Variants in CFAP46 observed in about 807,000 individuals in gnomAD.
The protein encoded by CFAP46 is cilia and flagella associated protein 46.
In CFAP46, 245 loss-of-function variants were observed where a neutral mutation model predicts 325.7. The ratio of observed to expected loss-of-function variants is 0.75; its 90% CI spans 0.68 to 0.84. CFAP46 has a LOEUF of 0.84. CFAP46 is among the 40% of genes least tolerant of loss of function. CFAP46 has a pLI of 0.00. For missense variants in CFAP46, 3,346 were observed against 3,543.0 expected, an observed-to-expected ratio of 0.94 and a Z score of 1.41; for synonymous variants, 1,523 against 1,495.9, an observed-to-expected ratio of 1.02 and a Z score of -0.42.
chr10:132,887,421 C>T (rs1215348398), intron 25 of CFAP46, among the ~76,000 whole-genome samples: 1 of 108,406 alleles, frequency 9.2e-6, no homozygotes, highest in Non-Finnish European at 1.9e-5. Context: ...CTCCTCTCTC[C>T]TCCCCTCTTC....
At chr10:132,842,165 T>A (rs1437996432) in intron 44 of CFAP46, among the ~76,000 whole-genome samples, 1 of 152,238 alleles carries the variant, frequency 6.6e-6, no homozygotes, top group Non-Finnish European at 1.5e-5. Context: ...TGGTTAGAAG[T>A]AGCCACGCAG....
intron 32 of CFAP46, among the ~76,000 whole-genome samples, chr10:132,872,227 G>A (rs907330178): frequency 6.6e-6 from 1 of 152,158 alleles, no homozygotes; most frequent in African/African-American, 2.4e-5. Flanking sequence ...GGATCAGGTA[G>A]AAATTTTAAA....
At chr10:132,913,315 C>A in intron 17 of CFAP46, 57 bp from the exon 18 acceptor site, 1 of 1,449,660 alleles carries the variant, frequency 6.9e-7, no homozygotes, top group Non-Finnish European at 9.4e-7. Flanking sequence ...CGGGGCCAGG[C>A]ACCAGGAAGG....
At chr10:132,904,582 T>C (rs1302316153) in intron 22 of CFAP46, among the ~76,000 whole-genome samples, 1 of 152,238 alleles carries the variant, frequency 6.6e-6, no homozygotes, top group East Asian at 1.9e-4. Context: ...TTAAGTCAAT[T>C]TACACAGCAG....
chr10:132,811,540 C>T (rs1375578566), intron 55 of CFAP46, among the ~76,000 whole-genome samples: 1 of 152,184 alleles, frequency 6.6e-6, no homozygotes, highest in African/African-American at 2.4e-5. Context: ...ATGAGCTGGT[C>T]ACCCTGGCCT....
chr10:132,897,085 C>T (rs1849329864), intron 24 of CFAP46, among the ~76,000 whole-genome samples: 1 of 152,178 alleles, frequency 6.6e-6, no homozygotes, highest in South Asian at 2.1e-4. Flanking sequence ...GAACCTTTAC[C>T]TAATACCATA....
At position 132,889,022 on chromosome 10, in the gene CFAP46, C is replaced by T. The variant is rs1288541670; in HGVS notation, c.3305-3063G>A. Among the ~76,000 whole-genome samples the T allele has an allele frequency of 1.3e-5, 2 of 152,226 alleles. No individual in the cohort carries two copies. The highest frequency in any genetic ancestry group is 2.4e-5 in the African/African-American group (1 of 41,452). On this transcript the variant is annotated intron_variant, in intron 25 of 57. Coordinates refer to ENST00000368586, the MANE Select transcript of CFAP46 (RefSeq NM_001200049.3). This position sits in a 1 kb window ranked among gnomAD's most constrained non-coding sequence, Gnocchi z 6.0. The stretch of plus-strand genomic sequence containing the variant: ...CCTTCTCAGACTACGCAGCCCCTCA[C>T]GCCCTTTCTCTTTTCAGAAGTCTGG...
intron 53 of CFAP46, 86 bp from the exon 54 acceptor site, chr10:132,814,340 G>T: frequency 8.6e-7 from 1 of 1,162,496 alleles, no homozygotes; most frequent in Non-Finnish European, 1.3e-6. Flanking sequence ...AGGGGTCACA[G>T]CGAATGCAGG....
chr10:132,851,796 T>C, intron 39 of CFAP46, among the ~76,000 whole-genome samples: 1 of 152,292 alleles, frequency 6.6e-6, no homozygotes, highest in Non-Finnish European at 1.5e-5. Context: ...CCAATAAAGC[T>C]GCTGCCAACA....
In CFAP46 at chr10:132,833,610, TGCTGGGC is replaced by T. The variant is rs1848188225; in HGVS notation, c.6950-92_6950-86del. 3.0e-5 allele frequency: 44 copies of T among 1,458,748 alleles called. No individual in the cohort carries two copies. The South Asian group carries it at 5.5e-4, about 18-fold the overall frequency. The allele number at this position is 1,458,748 out of a possible 1,614,324, so 90.4% of individuals were successfully genotyped here. A position where few individuals can be genotyped will look rare whatever the true frequency, so the allele number is the denominator to read the frequency against. ...GCAGGGCTCCGTCTTCTGACTTGGC[TGCTGGGC>T]GCTGGGAAAGGCTGGCAGCCCGCCT... On this transcript the variant is annotated intron_variant, in intron 49 of 57. Transcript: ENST00000368586.
intron 37 of CFAP46, 93 bp from the exon 38 acceptor site, chr10:132,859,340 T>C (rs1806693): frequency 0.088 from 98,597 of 1,125,742 alleles, 4,594 homozygotes; most frequent in African/African-American, 0.095. Flanking sequence ...CCGGTGTTCA[T>C]CCAGGGATGC....
In CFAP46 at chr10:132,814,860, G is replaced by T; in HGVS notation, c.7172C>A (p.Ala2391Glu). The T allele has an allele frequency of 1.2e-6, 2 of 1,614,134 alleles. No individual in the cohort carries two copies. The highest frequency in any genetic ancestry group is 8.5e-7 in the Non-Finnish European group (1 of 1,180,010). ...CCCACCCACCTTCCTGCCCTTCTTC[G>T]CTAGGCTTCTCTTTTTGGGGTCTCT... ...RSRDPKKRSL[A>E]KKGRKGSIPR... The change falls in exon 51 of 58, where the codon GCG becomes GAG. Residue 2391 changes from alanine (A) to glutamate (E), a missense_variant. Transcript: ENST00000368586.
At position 132,867,416 on chromosome 10, in the gene CFAP46, C is replaced by G. The variant is rs775602134; in HGVS notation, c.4702G>C (p.Val1568Leu). The G allele has an allele frequency of 1.9e-6, 3 of 1,550,594 alleles. No homozygotes were observed. The highest frequency in any genetic ancestry group is 2.6e-6 in the Non-Finnish European group (3 of 1,147,006). The change falls in exon 34 of 58, where the codon GTC becomes CTC. Residue 1568 changes from valine (V) to leucine (L), a missense_variant. Transcript: ENST00000368586. ...LPALNEQTLP[V>L]QPGEIKPLDA... is the part of the protein sequence containing the mutation. ...AGTGGTTTGATCTCCCCAGGCTGGA[C>G]AGGAAGTGTCTGCTCATTCAGTGCT... is the stretch of plus-strand genomic sequence containing the variant.
At chr10:132,863,590 G>A (rs1257818098) in intron 35 of CFAP46, among the ~76,000 whole-genome samples, 3 of 148,212 alleles carry the variant, frequency 2.0e-5, no homozygotes, top group Non-Finnish European at 4.5e-5. Flanking sequence ...CTCACTGCCT[G>A]AGACATGCAC....
Position 132,922,712 on chromosome 10 carries a change from C to T in CFAP46, c.1257-4G>A, listed in dbSNP as rs1218422429. ...ACAGCGGAGAAGCGTCATGAGGCTG[C>T]GGGGGTGGCGTGGCATCAGGGGCCC... On this transcript the variant is annotated splice_region_variant and splice_polypyrimidine_tract_variant and intron_variant, in intron 11 of 57. Coordinates refer to ENST00000368586, the MANE Select transcript of CFAP46 (RefSeq NM_001200049.3). 4.5e-6 allele frequency: 7 copies of T among 1,542,768 alleles called. No homozygotes were observed. The Admixed American group carries it at 9.8e-5, about 22-fold the overall frequency.
rs901307019 is a variant in CFAP46 at position 132,926,578 on chromosome 10, G to C, written c.1055C>G (p.Ala352Gly). Residue 352 changes from alanine to glycine, a missense_variant, in exon 10 of 58, where the codon GCG becomes GGG. Coordinates refer to ENST00000368586, the MANE Select transcript of CFAP46 (RefSeq NM_001200049.3). ...TGCGTAAGGACTGACCTCAACAGCC[G>C]CTCGGTTGTACACTTTCATCTTACT... ...LESKMKVYNR[A>G]AVEAQLDIIQ... 6 of 1,535,290 alleles carry C rather than the reference G, an allele frequency of 3.9e-6. No homozygotes were observed. Among genetic ancestry groups the C allele is most frequent in the Non-Finnish European group, 5.2e-6 (6 of 1,146,342 alleles).
rs368155362 is a variant in CFAP46, at chr10:132,810,450, C to T, written c.7623G>A (p.Ala2541=). 38 of 1,613,642 alleles carry T rather than the reference C, an allele frequency of 2.4e-5. No homozygotes were observed. The highest frequency in any genetic ancestry group is 5.3e-5 in the African/African-American group (4 of 75,048). ...GTCGCCACTCATCTTCTGAAGGAGA[C>T]GCACTGTTTCTCCAATTGGCTTCCC... ...GRWEANWRNS[A]SPSEDEWRRG... is the part of the protein sequence containing the mutation. Residue 2541 remains alanine (A), a synonymous_variant, in exon 57 of 58, where the codon GCG becomes GCA. Transcript: ENST00000368586.
chr10:132,808,937 G>T lies in CFAP46; in HGVS notation c.7665-33C>A. ...GAAAGGGGCGGGAGCTATGAACCCCGAGGCCCCGCAGGACGTCCAGCCCGG... is the reference window on the plus strand; with the variant it reads ...GAAAGGGGCGGGAGCTATGAACCCCTAGGCCCCGCAGGACGTCCAGCCCGG... On this transcript the variant is annotated intron_variant, in intron 57 of 57. Transcript: ENST00000368586. This position sits in a 1 kb window ranked among gnomAD's most constrained non-coding sequence, Gnocchi z 6.8. The T allele has an allele frequency of 6.5e-7, 1 of 1,536,304 alleles. No homozygotes were observed. Among genetic ancestry groups the T allele is most frequent in the East Asian group, 2.3e-5 (1 of 43,806 alleles).
rs1384610648 is a variant in CFAP46 at position 132,823,181 on chromosome 10, G to A, written c.7118-8267C>T. On this transcript the variant is annotated intron_variant, in intron 50 of 57. Transcript: ENST00000368586. ...TGTGAGTGATGTGTGCTGTCTGTGC[G>A]CTGTGTGCTGATGTGTGCTGTGTGT... Among the ~76,000 whole-genome samples the A allele has an allele frequency of 6.5e-5, 5 of 77,202 alleles. No individual in the cohort carries two copies. The South Asian group carries it at 2.8e-3, about 44-fold the overall frequency. The allele number at this position is 77,202 out of a possible 152,430, so 50.6% of individuals were successfully genotyped here. A position where few individuals can be genotyped will look rare whatever the true frequency, so the allele number is the denominator to read the frequency against.
Sources: gnomAD v4.1 joint callset for allele counts (sites outside exome capture counted in the v4.1 genomes callset) on GRCh38, gnomAD v4.1.1 for gene constraint, Gnocchi (gnomAD v3.1) non-coding constraint, MANE v1.5 for transcripts, NCBI Gene and HGNC (gene_info 2026-07-23, HGNC 2026-07-21) for gene names.